USP4: variants seen among roughly 807,000 people sequenced by gnomAD.
The protein encoded by USP4 is ubiquitin specific peptidase 4.
USP4 carries 72 observed loss-of-function variants against 118.2 expected under a neutral mutation model. The observed-to-expected ratio is 0.61, with a 90% CI of 0.50 to 0.74. The LOEUF is 0.74. USP4 is among the 30% of genes least tolerant of loss of function. The pLI is 0.00. For synonymous variants in USP4, 415 were observed against 440.4 expected (o/e 0.94, Z 0.72); for missense variants, 1,037 against 1,185.7 (o/e 0.87, Z 1.84).
chr3:49,317,255 G>A (rs989662219), intron 6 of USP4: 16 of 1,540,532 alleles, frequency 1.0e-5, no homozygotes, highest in African/African-American at 2.7e-5. Context: ...GCAATCTTGC[G>A]TGCCAGGTTC....
At chr3:49,329,309 T>C (rs970069219) in intron 2 of USP4, among the ~76,000 whole-genome samples, 4 of 152,222 alleles carry the variant, frequency 2.6e-5, no homozygotes, top group African/African-American at 9.7e-5. Context: ...CTTGAGCCCG[T>C]TGAAGTCATC....
intron 9 of USP4, 68 bp from the exon 10 acceptor site, chr3:49,302,610 C>A: frequency 6.6e-7 from 1 of 1,514,848 alleles, no homozygotes; most frequent in Non-Finnish European, 8.9e-7. Context: ...AAAAGAATTG[C>A]CATCAAAAAT....
chr3:49,291,125 C>G (rs575795442), intron 15 of USP4, among the ~76,000 whole-genome samples: 1 of 151,888 alleles, frequency 6.6e-6, no homozygotes, highest in Non-Finnish European at 1.5e-5. Flanking sequence ...CCCACCACCA[C>G]GCCTAATTTT....
At chr3:49,337,261 G>A (rs998757826) in intron 1 of USP4, among the ~76,000 whole-genome samples, 2 of 151,248 alleles carry the variant, frequency 1.3e-5, no homozygotes, top group Non-Finnish European at 2.9e-5. Context: ...CTGGGTGACA[G>A]GAATAAAACC....
intron 6 of USP4, among the ~76,000 whole-genome samples, chr3:49,323,470 T>C (rs1357213759): frequency 6.6e-6 from 1 of 152,010 alleles, no homozygotes; most frequent in Non-Finnish European, 1.5e-5. Context: ...TTTTGCCATG[T>C]CACCTGACAT....
intron 3 of USP4, among the ~76,000 whole-genome samples, chr3:49,326,834 T>C (rs1378098591): frequency 2.0e-5 from 3 of 151,680 alleles, no homozygotes; most frequent in Non-Finnish European, 4.4e-5. Context: ...CCCGAGTAGC[T>C]GGGACTACAG....
At chr3:49,297,344 T>A (rs944744007) in intron 13 of USP4, among the ~76,000 whole-genome samples, 1 of 152,186 alleles carries the variant, frequency 6.6e-6, no homozygotes. Context: ...GGCCTTTGTA[T>A]TGTCCTCACA....
At position 49,300,483 on chromosome 3, in the gene USP4, T is replaced by C; in HGVS notation, c.1496A>G (p.His499Arg). ...TTCTGTCACCTGAGTAGGTCTGCAG[T>C]GAGGGTCAGCAGGAACCAGGAAAAC... ...MEVFLVPADP[H>R]CRPTQYRVTV... is the part of the protein sequence containing the mutation. Residue 499 changes from histidine to arginine, a missense_variant, in exon 11 of 22, where the codon CAC (histidine) becomes CGC (arginine). By Grantham distance (29) the His-to-Arg change is conservative. Around this residue, in one of 3 missense-constraint regions of USP4, gnomAD observed 522 missense variants for 592.6 expected, o/e 0.88. Transcript: ENST00000265560. 6.2e-7 allele frequency: 1 copy of C among 1,614,018 alleles called. No individual in the cohort carries two copies. The highest frequency in any genetic ancestry group is 8.5e-7 in the Non-Finnish European group (1 of 1,179,980).
At chr3:49,317,558 T>G (rs1389474868) in intron 6 of USP4, 1 of 560,560 alleles carries the variant, frequency 1.8e-6, no homozygotes, top group African/African-American at 2.3e-5. Context: ...TTTTTTTTTT[T>G]GAGACAACAG....
At chr3:49,299,418 A>C (rs1391543359) in intron 11 of USP4, among the ~76,000 whole-genome samples, 3 of 143,036 alleles carry the variant, frequency 2.1e-5, no homozygotes, top group Non-Finnish European at 4.5e-5. Flanking sequence ...TTTGAGACGG[A>C]GTCTCGCTCT....
At chr3:49,322,258 T>A (rs1575617903) in intron 6 of USP4, among the ~76,000 whole-genome samples, 1 of 152,326 alleles carries the variant, frequency 6.6e-6, no homozygotes, top group South Asian at 2.1e-4. Flanking sequence ...ATTCATCATT[T>A]TTCATTAGAC....
intron 10 of USP4, among the ~76,000 whole-genome samples, chr3:49,301,031 C>T (rs1283890913): frequency 2.0e-5 from 3 of 152,128 alleles, no homozygotes; most frequent in African/African-American, 4.8e-5. Context: ...CTCAACCTCC[C>T]GGACTCAAAG....
intron 4 of USP4, among the ~76,000 whole-genome samples, chr3:49,325,508 T>C (rs549404768): frequency 1.3e-5 from 2 of 152,238 alleles, no homozygotes; most frequent in African/African-American, 2.4e-5. Context: ...TTCATTATCA[T>C]AGACAAATGG....
chr3:49,309,109 G>A (rs2047353258), intron 8 of USP4, among the ~76,000 whole-genome samples: 1 of 148,552 alleles, frequency 6.7e-6, no homozygotes, highest in African/African-American at 2.5e-5. Context: ...TCTACATTTT[G>A]ATCCTCCTGA....
chr3:49,279,027 C>G, intron 20 of USP4, 125 bp from the exon 21 acceptor site: 1 of 527,928 alleles, frequency 1.9e-6, no homozygotes, highest in Non-Finnish European at 3.2e-6. Context: ...AAAAAGTTTA[C>G]AGTGTGTGTC....
At chr3:49,316,447 G>A (rs1036777303) in intron 6 of USP4, among the ~76,000 whole-genome samples, 1 of 151,796 alleles carries the variant, frequency 6.6e-6, no homozygotes, top group East Asian at 2.0e-4. Context: ...AGCCTCCCGA[G>A]TAGCTGGAAT....
chr3:49,326,410 G>A (rs1024468005), intron 3 of USP4, among the ~76,000 whole-genome samples: 3 of 151,656 alleles, frequency 2.0e-5, no homozygotes, highest in African/African-American at 7.3e-5. Context: ...ACTGTTTTTT[G>A]TTTTTGAGAT....
intron 10 of USP4, 49 bp downstream of exon 10, chr3:49,302,335 G>C (rs763819411): frequency 8.8e-6 from 14 of 1,597,012 alleles, no homozygotes; most frequent in Middle Eastern, 1.7e-4. Flanking sequence ...CTCTCAATAG[G>C]AGGCAGCTTC....
At chr3:49,281,416 A>G (rs1042596864) in intron 19 of USP4, among the ~76,000 whole-genome samples, 4 of 151,318 alleles carry the variant, frequency 2.6e-5, no homozygotes, top group Non-Finnish European at 4.4e-5. Flanking sequence ...AGATCGCACT[A>G]CTGCAGTCCA....
Sources: allele counts gnomAD v4.1 joint callset (sites outside exome capture counted in the v4.1 genomes callset), GRCh38; gene constraint gnomAD v4.1.1; regional missense constraint gnomAD v4.1.1; transcripts MANE v1.5; gene names NCBI Gene and HGNC (gene_info 2026-07-23, HGNC 2026-07-21).